ASB7: variants seen among roughly 807,000 people sequenced by gnomAD.
ASB7 encodes the protein ankyrin repeat and SOCS box protein 7.
Under a neutral mutation model 32.5 loss-of-function variants are expected in ASB7, and 4 were observed. The ratio of observed to expected loss-of-function variants is 0.12; its 90% CI spans 0.06 to 0.28. The LOEUF is 0.28. ASB7 is among the 10% of genes least tolerant of loss of function. The pLI, the probability that ASB7 is intolerant of heterozygous loss-of-function variation, is 1.00. For synonymous variants in ASB7, 172 were observed against 155.6 expected (o/e 1.11, Z -0.78); for missense variants, 181 against 407.1 (o/e 0.44, Z 4.78).
At chr15:100,614,597 TGGGG>T (rs772029213) in intron 4 of ASB7, among the ~76,000 whole-genome samples, 4 of 151,016 alleles carry the variant, frequency 2.6e-5, no homozygotes, top group South Asian at 4.2e-4. Context: ...AAACCAATGG[TGGGG>T]GGAAAAAAAG....
chr15:100,611,502 C>T (rs1338420996), intron 3 of ASB7, among the ~76,000 whole-genome samples: 2 of 6,588 alleles, frequency 3.0e-4, no homozygotes, highest in African/African-American at 5.7e-4. Flanking sequence ...TTTTTTGAGA[C>T]AGAATTTCAC....
intron 4 of ASB7, among the ~76,000 whole-genome samples, chr15:100,624,754 G>A (rs1181749991): frequency 6.6e-6 from 1 of 152,172 alleles, no homozygotes; most frequent in Admixed American, 6.5e-5. Flanking sequence ...ACAGAGGAGG[G>A]AACACTTCCA....
At chr15:100,617,435 G>A (rs529382450) in intron 4 of ASB7, among the ~76,000 whole-genome samples, 1 of 152,216 alleles carries the variant, frequency 6.6e-6, no homozygotes, top group Non-Finnish European at 1.5e-5. Context: ...AAAGGTTTTG[G>A]CCTGGGACCC....
intron 5 of ASB7, chr15:100,645,618 G>T: frequency 2.4e-6 from 2 of 842,526 alleles, no homozygotes; most frequent in Non-Finnish European, 4.1e-6. Context: ...TGTGGTTCAT[G>T]GGTAGGAGAC....
At chr15:100,644,228 ATACAGTGAGAC>A (rs2039982560) in intron 5 of ASB7, among the ~76,000 whole-genome samples, 2 of 152,356 alleles carry the variant, frequency 1.3e-5, no homozygotes, top group Admixed American at 1.3e-4. Context: ...AGCCTGGGCA[ATACAGTGAGAC>A]TGCATTGCAA....
At chr15:100,622,466 C>T (rs539778769) in intron 4 of ASB7, among the ~76,000 whole-genome samples, 1 of 152,276 alleles carries the variant, frequency 6.6e-6, no homozygotes, top group South Asian at 2.1e-4. Context: ...TCCTAAAATT[C>T]ATATGGAACC....
chr15:100,624,903 T>TA (rs36088432), intron 4 of ASB7, among the ~76,000 whole-genome samples: 77,011 of 151,384 alleles, frequency 0.51, 23,185 homozygotes, highest in East Asian at 0.82. Context: ...TATTGGTGTA[T>TA]AAAAAAAAAT....
In ASB7 at chr15:100,651,514, T is replaced by G. The variant is rs2040032406; in HGVS notation, c.*3052T>G. On this transcript the variant is annotated 3_prime_UTR_variant, in exon 6 of 6. Coordinates refer to ENST00000332783, the MANE Select transcript of ASB7 (RefSeq NM_198243.3). ...ATGACCGGCGTGGACCATACGAAAT[T>G]GAGATTCTAACTTTCCTGCAGGAGT... 1 of 152,126 alleles carries G rather than the reference T, an allele frequency of 6.6e-6. No individual in the cohort carries two copies. Among genetic ancestry groups the G allele is most frequent in the Non-Finnish European group, 1.5e-5 (1 of 68,024 alleles). 9.4% of individuals were successfully genotyped at this position (152,126 alleles called of 1,614,324 possible).
chr15:100,605,435 A>G (rs865811764), intron 2 of ASB7, among the ~76,000 whole-genome samples: 1 of 152,238 alleles, frequency 6.6e-6, no homozygotes, highest in Admixed American at 6.5e-5. Context: ...AAGATATGCA[A>G]TGATGCATCT....
At chr15:100,624,287 A>G (rs1597004596) in intron 4 of ASB7, among the ~76,000 whole-genome samples, 1 of 152,352 alleles carries the variant, frequency 6.6e-6, no homozygotes, top group East Asian at 1.9e-4. Context: ...ATCTCAGAGT[A>G]GCTGCAAGAG....
At chr15:100,616,599 T>C (rs1285293824) in intron 4 of ASB7, among the ~76,000 whole-genome samples, 4 of 152,244 alleles carry the variant, frequency 2.6e-5, no homozygotes, top group Admixed American at 6.5e-5. Context: ...CTAGGTCAGA[T>C]ATAAGGTTTT....
chr15:100,610,407 A>G (rs542810844), intron 3 of ASB7, among the ~76,000 whole-genome samples: 177 of 152,098 alleles, frequency 1.2e-3, no homozygotes, highest in African/African-American at 4.1e-3. Context: ...AGGCAGGAGA[A>G]AGGTGTGAAC....
intron 4 of ASB7, among the ~76,000 whole-genome samples, chr15:100,621,503 T>C (rs1333388427): frequency 1.3e-5 from 2 of 152,326 alleles, no homozygotes; most frequent in African/African-American, 2.4e-5. Flanking sequence ...TATTAGGAAA[T>C]GCTATTCTTT....
chr15:100,646,517 A>G (rs1401078223), intron 5 of ASB7: 6 of 444,210 alleles, frequency 1.4e-5, no homozygotes, highest in Non-Finnish European at 2.8e-5. Flanking sequence ...TATTTGTGGA[A>G]CTCATTTCTG....
intron 5 of ASB7, 52 bp downstream of exon 5, chr15:100,630,094 T>C (rs1567116036): frequency 6.8e-7 from 1 of 1,470,250 alleles, no homozygotes; most frequent in Non-Finnish European, 9.0e-7. Context: ...TTGCATCTTC[T>C]GAGGAGCTTA....
At chr15:100,619,813 C>T (rs1346562058) in intron 4 of ASB7, among the ~76,000 whole-genome samples, 2 of 152,148 alleles carry the variant, frequency 1.3e-5, no homozygotes, top group African/African-American at 4.8e-5. Flanking sequence ...GGAGCGGCCA[C>T]GTGAAGCCAC....
chr15:100,634,882 AAC>A (rs1346522679), intron 5 of ASB7, among the ~76,000 whole-genome samples: 4 of 152,212 alleles, frequency 2.6e-5, no homozygotes, highest in African/African-American at 4.8e-5. Flanking sequence ...AACTTTCAGT[AAC>A]ACAGTCCAGT....
intron 4 of ASB7, among the ~76,000 whole-genome samples, chr15:100,625,666 A>G (rs2039831384): frequency 6.6e-6 from 1 of 152,174 alleles, no homozygotes; most frequent in South Asian, 2.1e-4. Context: ...TCAGAATTCC[A>G]GCAGGCTTGT....
chr15:100,626,075 G>C (rs918537845), intron 4 of ASB7, among the ~76,000 whole-genome samples: 2 of 152,122 alleles, frequency 1.3e-5, no homozygotes, highest in African/African-American at 2.4e-5. Context: ...AAATCTTTGT[G>C]ACAATGCATT....
Sources: allele counts gnomAD v4.1 joint callset (sites outside exome capture counted in the v4.1 genomes callset), GRCh38; gene constraint gnomAD v4.1.1; transcripts MANE v1.5; gene names NCBI Gene and HGNC (gene_info 2026-07-23, HGNC 2026-07-21).